Variants in SHOC1 observed in about 807,000 individuals in gnomAD.
SHOC1 encodes the protein shortage in chiasmata 1.
SHOC1 carries 136 observed loss-of-function variants against 179.2 expected under a neutral mutation model. The ratio of observed to expected loss-of-function variants is 0.76; its 90% CI spans 0.66 to 0.87. SHOC1 has a LOEUF of 0.87. Among genes scored for constraint, SHOC1 ranks in the 40% least tolerant of loss-of-function variants. The probability of loss-of-function intolerance (pLI) is 0.00; values close to 1 mark genes in which losing one functional copy is unlikely to be tolerated. For missense variants in SHOC1, 1,538 were observed against 1,700.8 expected, an observed-to-expected ratio of 0.90 and a Z score of 1.68; for synonymous variants, 489 against 586.6, an observed-to-expected ratio of 0.83 and a Z score of 2.41.
intron 13 of SHOC1, 57 bp downstream of exon 13, chr9:111,727,576 A>G (rs994793266): frequency 5.9e-5 from 83 of 1,396,202 alleles, no homozygotes; most frequent in Non-Finnish European, 7.9e-5. Flanking sequence ...ATAATAAATT[A>G]TGTACTTAGT....
At chr9:111,756,265 T>A (rs1055516974) in intron 8 of SHOC1, 60 bp downstream of exon 8, 68 of 1,378,232 alleles carry the variant, frequency 4.9e-5, no homozygotes, top group Admixed American at 3.8e-4. Context: ...AACAAGAACC[T>A]ATGTAACAAA....
intron 8 of SHOC1, among the ~76,000 whole-genome samples, chr9:111,754,361 G>A (rs4978459): frequency 0.8 from 122,436 of 152,198 alleles, 49,415 homozygotes; most frequent in East Asian, 0.92. Context: ...ATGTGAAAAG[G>A]TGTTTGACAT....
chr9:111,746,875 C>T lies in SHOC1; in HGVS notation c.971-533G>A, dbSNP rs1288534186. Among the ~76,000 whole-genome samples the T allele has an allele frequency of 5.3e-5, 8 of 152,060 alleles. No homozygotes were observed. In the East Asian group the frequency reaches 1.5e-3, roughly 29 times the overall value. ...CAACCGTGGTGATTTTTAAAACATA[C>T]ATTAATAGCTAAACTTTATTGAGTT... is the stretch of plus-strand genomic sequence containing the variant. On this transcript the variant is annotated intron_variant, in intron 9 of 27. Coordinates refer to ENST00000682961, the MANE Select transcript of SHOC1 (RefSeq NM_001378211.1).
At chr9:111,768,906 T>G (rs1835461287) in intron 5 of SHOC1, among the ~76,000 whole-genome samples, 1 of 152,202 alleles carries the variant, frequency 6.6e-6, no homozygotes, top group Non-Finnish European at 1.5e-5. Context: ...ATATGGCCTT[T>G]ATTGTTTTGA....
At chr9:111,733,562 G>T (rs1029543495) in intron 12 of SHOC1, among the ~76,000 whole-genome samples, 2 of 152,094 alleles carry the variant, frequency 1.3e-5, no homozygotes, top group Non-Finnish European at 2.9e-5. Context: ...TGTGAAATCT[G>T]CCAAATTTTA....
rs190160963 is a variant in SHOC1 at position 111,764,825 on chromosome 9, A to T, written c.443-5977T>A. On this transcript the variant is annotated intron_variant, in intron 5 of 27. Transcript: ENST00000682961. ...GTGAAAAAATAAGGGGTGGTTGATGAAGTCAGGAAATTACTGCTTTTAAGA... is the reference window on the plus strand; with the variant it reads ...GTGAAAAAATAAGGGGTGGTTGATGTAGTCAGGAAATTACTGCTTTTAAGA... Among the ~76,000 whole-genome samples, 3 of 152,270 alleles carry T rather than the reference A, an allele frequency of 2.0e-5. No homozygotes were observed. In the East Asian group the frequency reaches 5.8e-4, roughly 29 times the overall value.
rs768234377 is a variant in SHOC1, at chr9:111,691,864, C to T, written c.4113G>A (p.Pro1371=). ...GCTGTGCACCATATTGTAAGTTGAA[C>T]GGGTGATTCTCTTGTTCCCATATAT... The part of the protein sequence containing the change: ...KKNIWEQENH[P]FNLQYGAQQT... Residue 1371 remains proline, a synonymous_variant, in exon 27 of 28, where the codon CCG becomes CCA. Transcript: ENST00000682961. The T allele has an allele frequency of 2.5e-6, 4 of 1,613,654 alleles. No individual in the cohort carries two copies. The highest frequency in any genetic ancestry group is 2.2e-5 in the East Asian group (1 of 44,856).
Position 111,694,269 on chromosome 9 carries a change from A to G in SHOC1, c.3277T>C (p.Trp1093Arg). The G allele has an allele frequency of 6.2e-7, 1 of 1,611,320 alleles. No individual in the cohort carries two copies. The highest frequency in any genetic ancestry group is 1.1e-5 in the South Asian group (1 of 90,656). Residue 1093 changes from tryptophan (W) to arginine (R), a missense_variant, in exon 25 of 28, where the codon TGG (tryptophan) becomes CGG (arginine). Trp to Arg is a moderately radical substitution (Grantham distance 101, BLOSUM62 -3). Coordinates refer to ENST00000682961, the MANE Select transcript of SHOC1 (RefSeq NM_001378211.1). ...LMTSKRDPHE[W>R]LDKSWLKVSP... ...ACTTTAAGCCAGGATTTATCCAACC[A>G]TTCATGAGGATCTCTCTTTGAGGTC...
rs747575311 is a variant in SHOC1, at chr9:111,723,782, T to A, written c.1954+10A>T. The A allele has an allele frequency of 1.2e-6, 2 of 1,609,626 alleles. No individual in the cohort carries two copies. Among genetic ancestry groups the A allele is most frequent in the Admixed American group, 3.4e-5 (2 of 59,258 alleles). On this transcript the variant is annotated intron_variant, in intron 14 of 27. Coordinates refer to ENST00000682961, the MANE Select transcript of SHOC1 (RefSeq NM_001378211.1). The stretch of plus-strand genomic sequence containing the variant: ...AAATCTGAAATGCATTTTAAAAGCA[T>A]ATAACATACCTGACGCTTGAATTTC...
intron 13 of SHOC1, among the ~76,000 whole-genome samples, chr9:111,726,864 G>C (rs1833317871): frequency 6.6e-6 from 1 of 152,108 alleles, no homozygotes. Context: ...TTAACCTTAT[G>C]AAGAAAGAAA....
Position 111,738,468 on chromosome 9 carries a change from A to T in SHOC1, c.1229T>A (p.Ile410Lys). ...AAGGCTTTCTTCTTTAACAGAAAAT[A>T]TCTTTTTCAAATCTGTAACTGAATA... is the stretch of plus-strand genomic sequence containing the variant. ...SQYSVTDLKK[I>K]FSVKEESLVI... Residue 410 changes from isoleucine to lysine, a missense_variant, in exon 12 of 28, where the codon ATA becomes AAA. Ile to Lys is a moderately radical substitution (Grantham distance 102). Coordinates refer to ENST00000682961, the MANE Select transcript of SHOC1 (RefSeq NM_001378211.1). The T allele has an allele frequency of 1.2e-6, 2 of 1,603,762 alleles. No individual in the cohort carries two copies. Among genetic ancestry groups the T allele is most frequent in the Non-Finnish European group, 1.7e-6 (2 of 1,177,216 alleles).
At position 111,727,827 on chromosome 9, in the gene SHOC1, T is replaced by G. The variant is rs1178432026; in HGVS notation, c.1640A>C (p.Asn547Thr). 8.1e-6 allele frequency: 13 copies of G among 1,611,736 alleles called. No individual in the cohort carries two copies. The East Asian group carries it at 2.7e-4, about 33-fold the overall frequency. Reference protein sequence around the residue: ...VNRIIQKKENNDHFELDCTGP... With the variant: ...VNRIIQKKENTDHFELDCTGP... ...TGTGCAGTCAAGTTCAAAGTGATCG[T>G]TATTTTCTTTCTTTTGGATTATTCT... Residue 547 changes from asparagine to threonine, a missense_variant, in exon 13 of 28, where the codon AAC becomes ACC. Asn to Thr is a moderately conservative substitution (Grantham distance 65). Transcript: ENST00000682961.
chr9:111,736,385 G>A (rs1344727486), intron 12 of SHOC1, among the ~76,000 whole-genome samples: 1 of 152,150 alleles, frequency 6.6e-6, no homozygotes, highest in Non-Finnish European at 1.5e-5. Flanking sequence ...TAATGGGACA[G>A]AAGAGAGAAC....
rs183453267 is a variant in SHOC1, at chr9:111,721,443, G to A, written c.2131+966C>T. On this transcript the variant is annotated intron_variant, in intron 15 of 27. Coordinates refer to ENST00000682961, the MANE Select transcript of SHOC1 (RefSeq NM_001378211.1). ...CAACCTCTGCCTCCCAGGTTCAAGC[G>A]ATTCTCCTGCCTCAGCCTCCCAAAT... 3.7e-3 allele frequency among the ~76,000 whole-genome samples: 566 copies of A among 152,232 alleles called. 6 individuals are homozygous for A. The highest frequency in any genetic ancestry group is 0.013 in the African/African-American group (543 of 41,540).
Position 111,738,493 on chromosome 9 carries a change from A to G in SHOC1, c.1204T>C (p.Tyr402His). 1.3e-6 allele frequency: 2 copies of G among 1,591,666 alleles called. No homozygotes were observed. The highest frequency in any genetic ancestry group is 3.7e-5 in the Admixed American group (2 of 54,198). ...VPRIQEPHSQ[Y>H]SVTDLKKIFS... ...ATCTTTTTCAAATCTGTAACTGAATATTGGCTGTGGGGCTCTTGAATTCTT... is the reference window on the plus strand; with the variant it reads ...ATCTTTTTCAAATCTGTAACTGAATGTTGGCTGTGGGGCTCTTGAATTCTT... Residue 402 changes from tyrosine (Y) to histidine (H), a missense_variant, in exon 12 of 28, where the codon TAT becomes CAT. By Grantham distance (83) the Tyr-to-His change is moderately conservative. Coordinates refer to ENST00000682961, the MANE Select transcript of SHOC1 (RefSeq NM_001378211.1).
chr9:111,769,975 GTTTTTTTTTTGTT>G (rs1247688273), intron 5 of SHOC1, among the ~76,000 whole-genome samples: 189 of 87,794 alleles, frequency 2.2e-3, no homozygotes, highest in African/African-American at 9.5e-3. Context: ...TTTATCTTCT[GTTTTTTTTTTGTT>G]TTTTTTTTTT....
Position 111,768,797 on chromosome 9 carries a change from GTTGAATA to G in SHOC1, c.442+6987_442+6993del, listed in dbSNP as rs1835456180. ...CTCTGGCCAGGACTTCACGTTTTAT[GTTGAATA>G]AAAGTGCTGAAAATGGACATCGTTG... On this transcript the variant is annotated intron_variant, in intron 5 of 27. Transcript: ENST00000682961. 2.0e-5 allele frequency among the ~76,000 whole-genome samples: 3 copies of G among 152,074 alleles called. No homozygotes were observed. The South Asian group carries it at 6.2e-4, about 32-fold the overall frequency.
chr9:111,738,592 A>G, intron 11 of SHOC1, 70 bp from the exon 12 acceptor site: 2 of 1,330,298 alleles, frequency 1.5e-6, no homozygotes, highest in Non-Finnish European at 2.0e-6. Context: ...CACAATAAAC[A>G]GAACCACACT....
At chr9:111,750,524 G>A (rs547546134) in intron 8 of SHOC1, among the ~76,000 whole-genome samples, 23 of 152,054 alleles carry the variant, frequency 1.5e-4, no homozygotes, top group Non-Finnish European at 2.4e-4. Flanking sequence ...TAGTAGAGAC[G>A]GGGTTTCACC....
Sources: gnomAD v4.1 joint callset for allele counts (sites outside exome capture counted in the v4.1 genomes callset) on GRCh38, gnomAD v4.1.1 for gene constraint, MANE v1.5 for transcripts, NCBI Gene and HGNC (gene_info 2026-07-23, HGNC 2026-07-21) for gene names.